PCDHA2: variants seen among roughly 807,000 people sequenced by gnomAD.
PCDHA2 encodes the protein protocadherin alpha-2.
A neutral mutation model predicts 66.0 loss-of-function variants in PCDHA2; 58 were observed. That is an observed-to-expected ratio of 0.88 (90% CI 0.71 to 1.09). PCDHA2 has a LOEUF of 1.09. Among genes scored for constraint, PCDHA2 ranks in the 50% least tolerant of loss-of-function variants. The pLI, the probability that PCDHA2 is intolerant of heterozygous loss-of-function variation, is 0.00. For synonymous variants in PCDHA2, 634 were observed against 554.0 expected, an observed-to-expected ratio of 1.14 and a Z score of -2.03; for missense variants, 1,267 against 1,242.3, an observed-to-expected ratio of 1.02 and a Z score of -0.30.
chr5:140,832,072 T>A (rs2150199647), intron 1 of PCDHA2, among the ~76,000 whole-genome samples: 2,545 of 152,344 alleles, frequency 0.017, 42 homozygotes, highest in Non-Finnish European at 0.028. Context: ...ATCTGAGATG[T>A]CTCTAACATT....
intron 2 of PCDHA2, among the ~76,000 whole-genome samples, chr5:140,981,835 T>C (rs991736759): frequency 6.6e-6 from 1 of 152,162 alleles, no homozygotes; most frequent in Non-Finnish European, 1.5e-5. Context: ...TCTAAAGGTC[T>C]CCCAGTTTGT....
At chr5:140,987,275 CTA>C (rs1554249023) in intron 3 of PCDHA2, among the ~76,000 whole-genome samples, 1 of 151,726 alleles carries the variant, frequency 6.6e-6, no homozygotes, top group Non-Finnish European at 1.5e-5. Context: ...ACCCGGCAGT[CTA>C]TGTTTTAACA....
At position 140,942,403 on chromosome 5, in the gene PCDHA2, T is replaced by A. The variant is rs184466711; in HGVS notation, c.2389-36546T>A. Among the ~76,000 whole-genome samples the A allele has an allele frequency of 2.8e-3, 421 of 151,284 alleles. 2 individuals are homozygous for A. The highest frequency in any genetic ancestry group is 0.014 in the Middle Eastern group (4 of 294). The stretch of plus-strand genomic sequence containing the variant: ...TTCCAGCCTGGGCGACAGATGAGAC[T>A]CTGTTTAAAAAAAAAAAAGATATCT... On this transcript the variant is annotated intron_variant, in intron 1 of 3. Transcript: ENST00000526136.
At chr5:140,900,954 A>T (rs942765998) in intron 1 of PCDHA2, among the ~76,000 whole-genome samples, 3 of 152,204 alleles carry the variant, frequency 2.0e-5, no homozygotes, top group Non-Finnish European at 2.9e-5. Context: ...TTCTCTGATT[A>T]TCAGTGATGT....
At chr5:140,842,787 T>C (rs1554139371) in intron 1 of PCDHA2, 1 of 1,594,358 alleles carries the variant, frequency 6.3e-7, no homozygotes, top group Non-Finnish European at 8.6e-7. Context: ...GAGAACGCGC[T>C]GGTGTCCTAC....
At chr5:140,928,927 G>T (rs1359556123) in intron 1 of PCDHA2, 1 of 1,613,982 alleles carries the variant, frequency 6.2e-7, no homozygotes, top group Non-Finnish European at 8.5e-7. Context: ...GCAGCTTTCT[G>T]CCCAGAACTT....
chr5:140,801,518 G>A (rs1554121524), intron 1 of PCDHA2: 1 of 1,614,096 alleles, frequency 6.2e-7, no homozygotes, highest in Non-Finnish European at 8.5e-7. Context: ...TCCACCTGGA[G>A]GTGATCGTGG....
chr5:140,828,109 G>T, intron 1 of PCDHA2: 1 of 1,611,506 alleles, frequency 6.2e-7, no homozygotes, highest in East Asian at 2.2e-5. Flanking sequence ...TTACCCCGGA[G>T]GATAGATTGG....
At chr5:140,868,100 AT>A (rs2050277597) in intron 1 of PCDHA2, 2 of 152,142 alleles carry the variant, frequency 1.3e-5, no homozygotes, top group South Asian at 4.1e-4. Context: ...TGATAATAAA[AT>A]TTATTTTATA....
Position 141,010,391 on chromosome 5 carries a change from C to T in PCDHA2, c.*454C>T, listed in dbSNP as rs976643195. The T allele has an allele frequency of 2.2e-5, 30 of 1,386,642 alleles. No homozygotes were observed. Among genetic ancestry groups the T allele is most frequent in the South Asian group, 2.9e-5 (2 of 68,924 alleles). The allele number at this position is 1,386,642 out of a possible 1,614,324, so 85.9% of individuals were successfully genotyped here. A position where few individuals can be genotyped will look rare whatever the true frequency, so the allele number is the denominator to read the frequency against. The stretch of plus-strand genomic sequence containing the variant: ...TGCGAGTGCCAGATATTGGCTGAGA[C>T]GAGCCAGCTTAGACTAATTGGTACA... On this transcript the variant is annotated 3_prime_UTR_variant, in exon 4 of 4. Transcript: ENST00000526136.
chr5:140,935,921 C>G (rs1480748257), intron 1 of PCDHA2, among the ~76,000 whole-genome samples: 2 of 129,532 alleles, frequency 1.5e-5, no homozygotes, highest in African/African-American at 5.8e-5. Context: ...GAGACAGATT[C>G]TCATTCTGTT....
intron 1 of PCDHA2, among the ~76,000 whole-genome samples, chr5:140,872,990 A>C (rs987650775): frequency 6.6e-6 from 1 of 152,184 alleles, no homozygotes; most frequent in African/African-American, 2.4e-5. Context: ...AAGATCATTT[A>C]CTTCTGAGTC....
At position 140,795,661 on chromosome 5, in the gene PCDHA2, T is replaced by C. The variant is rs781990083; in HGVS notation, c.697T>C (p.Leu233=). 2 of 1,614,102 alleles carry C rather than the reference T, an allele frequency of 1.2e-6. No individual in the cohort carries two copies. The highest frequency in any genetic ancestry group is 8.5e-7 in the Non-Finnish European group (1 of 1,179,992). ...TGTVQILIKV[L]DVNDNEPTFA... is the part of the protein sequence containing the mutation. ...CACCGTTCAAATACTTATTAAGGTA[T>C]TAGATGTAAATGACAATGAACCAAC... The change falls in exon 1 of 4, where the codon TTA becomes CTA. Residue 233 remains leucine (L), a synonymous_variant. Transcript: ENST00000526136.
chr5:140,852,764 A>T (rs1488234251), intron 1 of PCDHA2: 1 of 983,098 alleles, frequency 1.0e-6, no homozygotes, highest in Non-Finnish European at 1.2e-6. Flanking sequence ...CAGGTATCTG[A>T]TTATTTGATG....
rs1554178015 is a variant in PCDHA2 at position 140,883,392 on chromosome 5, C to A, written c.2388+86040C>A. 1.9e-6 allele frequency: 3 copies of A among 1,614,184 alleles called. No individual in the cohort carries two copies. The East Asian group carries it at 6.7e-5, about 36-fold the overall frequency. ...GCCATTATTGCCCTAATCAGTGTGT[C>A]CGATCGTGACTCTGGCTCAAATGGA... is the stretch of plus-strand genomic sequence containing the variant. On this transcript the variant is annotated intron_variant, in intron 1 of 3. Transcript: ENST00000526136.
chr5:141,009,771 T>A lies in PCDHA2; in HGVS notation c.2681T>A (p.Ile894Asn). The change falls in exon 4 of 4, where the codon ATC (isoleucine) becomes AAC (asparagine). Residue 894 changes from isoleucine (I) to asparagine (N), a missense_variant. Transcript: ENST00000526136. The part of the protein sequence containing the change: ...DKFIIPGSPA[I>N]ISIRQEPTNS... ...TTCATTATCCCAGGATCTCCTGCAA[T>A]CATCTCCATCCGGCAGGAGCCTACT... 3 of 1,614,082 alleles carry A rather than the reference T, an allele frequency of 1.9e-6. No homozygotes were observed. Among genetic ancestry groups the A allele is most frequent in the Non-Finnish European group, 2.5e-6 (3 of 1,180,020 alleles).
chr5:140,859,289 ATACTT>A (rs1272125290), intron 1 of PCDHA2: 2 of 129,084 alleles, frequency 1.5e-5, no homozygotes, highest in African/African-American at 5.5e-5. Context: ...GAGACTGAAA[ATACTT>A]TAGTATGAAT....
chr5:140,871,036 C>G (rs781977409), intron 1 of PCDHA2: 3 of 1,613,274 alleles, frequency 1.9e-6, no homozygotes, highest in East Asian at 4.5e-5. Flanking sequence ...GCCGCGCCAC[C>G]GACTTCTAGT....
chr5:140,966,816 G>A lies in PCDHA2; in HGVS notation c.2389-12133G>A, dbSNP rs1448171487. On this transcript the variant is annotated intron_variant, in intron 1 of 3. Transcript: ENST00000526136. ...GCGGCGACAGAGCATCCACGGCTCC[G>A]GCGGCCCATGCCCTGGCTGCTGCTA... 5.2e-6 allele frequency: 8 copies of A among 1,553,302 alleles called. No homozygotes were observed. The East Asian group carries it at 7.2e-5, about 14-fold the overall frequency.
Sources: gnomAD v4.1 joint callset for allele counts (sites outside exome capture counted in the v4.1 genomes callset) on GRCh38, gnomAD v4.1.1 for gene constraint, MANE v1.5 for transcripts, NCBI Gene and HGNC (gene_info 2026-07-23, HGNC 2026-07-21) for gene names.